The following DOCK11 variants were observed in gnomAD, a reference collection of about 807,000 sequenced individuals.
DOCK11 encodes the protein dedicator of cytokinesis protein 11.
In DOCK11, 70 loss-of-function variants were observed where a neutral mutation model predicts 169.1. The ratio of observed to expected loss-of-function variants is 0.41; its 90% confidence interval spans 0.34 to 0.51. DOCK11 has a LOEUF of 0.51. DOCK11 is among the 20% of genes least tolerant of loss of function. DOCK11 has a pLI of 0.10. For synonymous variants in DOCK11, 529 were observed against 541.3 expected (o/e 0.98, Z 0.32); for missense variants, 1,166 against 1,538.8 (o/e 0.76, Z 4.05).
chrX:118,572,752 ATC>A (rs1267100177), intron 11 of DOCK11, among the ~76,000 whole-genome samples: 2 of 112,139 alleles, frequency 1.8e-5, no homozygotes, highest in African/African-American at 3.2e-5. Context: ...AATTTTATAC[ATC>A]TCTTTCTTTT....
intron 11 of DOCK11, among the ~76,000 whole-genome samples, chrX:118,573,549 A>AT (rs773452783): frequency 8.9e-6 from 1 of 112,173 alleles, no homozygotes; most frequent in South Asian, 3.6e-4. Flanking sequence ...TTTGATTTCC[A>AT]TTTTTTTGGT....
At chrX:118,509,426 C>T (rs1359680140) in intron 1 of DOCK11, among the ~76,000 whole-genome samples, 2 of 111,653 alleles carry the variant, frequency 1.8e-5, no homozygotes, top group African/African-American at 3.3e-5. Flanking sequence ...CCACTCCTGG[C>T]TAATTTTTTG....
chrX:118,609,194 G>T lies in DOCK11; in HGVS notation c.2878-84G>T. 7.5e-6 allele frequency: 5 copies of T among 664,209 alleles called. No homozygotes were observed. In the South Asian group the frequency reaches 1.0e-4, roughly 14 times the overall value. 54.7% of individuals were successfully genotyped at this position (664,209 alleles called of 1,213,427 possible). A position where few individuals can be genotyped will look rare whatever the true frequency, so the allele number is the denominator to read the frequency against. Reference sequence around the variant, plus strand: ...CTTGAAAATGTTAGTAAAATTCAAAGACAAGACCCATATTGATCTGTCAAA... The same window carrying T: ...CTTGAAAATGTTAGTAAAATTCAAATACAAGACCCATATTGATCTGTCAAA... On this transcript the variant is annotated intron_variant, in intron 26 of 52. Coordinates refer to ENST00000276202, the MANE Select transcript of DOCK11 (RefSeq NM_144658.4).
In DOCK11 at chrX:118,613,821, G is replaced by GTC. The variant is rs757060392; in HGVS notation, c.3097-855_3097-854dup. ...TGAGTGACAGAGCAAGACTCTGCCT[G>GTC]TCTCTCTCTCTCTCTCTTTTTTTCT... On this transcript the variant is annotated intron_variant, in intron 28 of 52. Coordinates refer to ENST00000276202, the MANE Select transcript of DOCK11 (RefSeq NM_144658.4). Among the ~76,000 whole-genome samples the GTC allele has an allele frequency of 2.7e-3, 296 of 111,431 alleles. 3 individuals carry two copies. Among genetic ancestry groups the GTC allele is most frequent in the African/African-American group, 8.0e-3 (246 of 30,732 alleles).
At chrX:118,504,142 C>G (rs868727345) in intron 1 of DOCK11, among the ~76,000 whole-genome samples, 5 of 111,007 alleles carry the variant, frequency 4.5e-5, no homozygotes, top group Middle Eastern at 9.2e-3. Context: ...ATCTCCGACC[C>G]CCACCCCAGC....
intron 1 of DOCK11, among the ~76,000 whole-genome samples, chrX:118,506,240 CTG>C (rs1219741735): frequency 9.5e-5 from 10 of 105,441 alleles, no homozygotes; most frequent in African/African-American, 3.5e-4. Flanking sequence ...GGGTGACAGA[CTG>C]AGACCCTGTC....
At chrX:118,574,593 C>T (rs756155711) in intron 12 of DOCK11, among the ~76,000 whole-genome samples, 1 of 111,534 alleles carries the variant, frequency 9.0e-6, no homozygotes, top group Admixed American at 9.5e-5. Flanking sequence ...GATACAGACA[C>T]CCATAAACAC....
At chrX:118,516,635 A>T (rs1347376633) in intron 1 of DOCK11, among the ~76,000 whole-genome samples, 1 of 107,900 alleles carries the variant, frequency 9.3e-6, no homozygotes. Flanking sequence ...GGGTTTCGCC[A>T]TGTTGGCCAG....
Position 118,622,267 on chromosome X carries a change from A to G in DOCK11, c.3472-2272A>G, listed in dbSNP as rs1370921300. On this transcript the variant is annotated intron_variant, in intron 31 of 52. Coordinates refer to ENST00000276202, the MANE Select transcript of DOCK11 (RefSeq NM_144658.4). ...TTATATAAGCACAAGCCTATATGAC[A>G]TATATGTATAAAATATAACAGAAAC... Among the ~76,000 whole-genome samples, 4 of 112,459 alleles carry G rather than the reference A, an allele frequency of 3.6e-5. No homozygotes were observed. The Admixed American group carries it at 3.8e-4, about 11-fold the overall frequency.
At chrX:118,607,112 CTT>C (rs776058680) in intron 24 of DOCK11, among the ~76,000 whole-genome samples, 58 of 62,960 alleles carry the variant, frequency 9.2e-4, no homozygotes, top group Middle Eastern at 7.4e-3. Context: ...TCCTTTCCTT[CTT>C]TTTTTTTTTT....
chrX:118,532,767 C>T (rs1327586537), intron 1 of DOCK11, among the ~76,000 whole-genome samples: 13 of 85,648 alleles, frequency 1.5e-4, no homozygotes, highest in East Asian at 1.5e-3. Context: ...GGCGACAGAG[C>T]GAGACTCTGT....
intron 1 of DOCK11, among the ~76,000 whole-genome samples, chrX:118,535,436 T>G: frequency 8.9e-6 from 1 of 112,103 alleles, no homozygotes; most frequent in Non-Finnish European, 1.9e-5. Context: ...TTAATGTAAG[T>G]GGTAACAGAA....
chrX:118,631,961 G>A (rs1027811234), intron 35 of DOCK11, among the ~76,000 whole-genome samples: 1 of 110,751 alleles, frequency 9.0e-6, no homozygotes, highest in Non-Finnish European at 1.9e-5. Context: ...AACCATGACT[G>A]TTTTTGTTTT....
chrX:118,666,510 A>G (rs1434331530), intron 45 of DOCK11, among the ~76,000 whole-genome samples: 2 of 111,406 alleles, frequency 1.8e-5, no homozygotes, highest in African/African-American at 6.5e-5. Context: ...CCTTTTTTTA[A>G]TCTGGCTTCT....
intron 14 of DOCK11, among the ~76,000 whole-genome samples, chrX:118,581,765 C>T (rs1360147373): frequency 1.1e-5 from 1 of 89,006 alleles, no homozygotes; most frequent in East Asian, 3.6e-4. Flanking sequence ...GATTGCGCCA[C>T]GGCACTCCAG....
intron 1 of DOCK11, among the ~76,000 whole-genome samples, chrX:118,542,311 C>T: frequency 9.1e-6 from 1 of 109,591 alleles, no homozygotes; most frequent in Non-Finnish European, 1.9e-5. Flanking sequence ...GCTGGGACTA[C>T]AGGCATGGGC....
intron 1 of DOCK11, among the ~76,000 whole-genome samples, chrX:118,502,806 A>G (rs2057584254): frequency 9.0e-6 from 1 of 111,675 alleles, no homozygotes; most frequent in African/African-American, 3.3e-5. Flanking sequence ...ACAGTATTCC[A>G]GAAGGATCTG....
chrX:118,555,090 A>T (rs913804184), intron 6 of DOCK11, among the ~76,000 whole-genome samples: 2 of 112,104 alleles, frequency 1.8e-5, no homozygotes, highest in African/African-American at 6.5e-5. Context: ...GCTGAAATAC[A>T]TCTGATAAAA....
chrX:118,551,661 G>A (rs1324692568), intron 6 of DOCK11, among the ~76,000 whole-genome samples: 2 of 110,910 alleles, frequency 1.8e-5, no homozygotes, highest in Non-Finnish European at 3.8e-5. Context: ...TTGCATGACT[G>A]TACTCCAGTC....
Sources: gnomAD v4.1 joint callset for allele counts (sites outside exome capture counted in the v4.1 genomes callset) on GRCh38, gnomAD v4.1.1 for gene constraint, MANE v1.5 for transcripts, NCBI Gene and HGNC (gene_info 2026-07-23, HGNC 2026-07-21) for gene names.